The following CEP126 variants were observed in gnomAD, a reference collection of about 807,000 sequenced individuals.
The protein encoded by CEP126 is centrosomal protein of 126 kDa.
A neutral mutation model predicts 107.8 loss-of-function variants in CEP126; 74 were observed. The ratio of observed to expected loss-of-function variants is 0.69; its 90% CI spans 0.57 to 0.83. The LOEUF (loss-of-function observed/expected upper bound fraction) is 0.83, where lower values mean the gene tolerates loss of function less well. CEP126 is among the 40% of genes least tolerant of loss of function. The probability of loss-of-function intolerance (pLI) is 0.00; values close to 1 mark genes in which losing one functional copy is unlikely to be tolerated. For synonymous variants in CEP126, 449 were observed against 446.0 expected (o/e 1.01, Z -0.08); for missense variants, 1,237 against 1,281.9 (o/e 0.96, Z 0.53).
At chr11:101,945,386 A>G (rs1481242578) in intron 3 of CEP126, among the ~76,000 whole-genome samples, 1 of 152,202 alleles carries the variant, frequency 6.6e-6, no homozygotes, top group Non-Finnish European at 1.5e-5. Flanking sequence ...AGCTAGAAAA[A>G]AAAAGAGGTA....
intron 1 of CEP126, among the ~76,000 whole-genome samples, chr11:101,917,133 A>C (rs1404760660): frequency 6.6e-6 from 1 of 151,668 alleles, no homozygotes; most frequent in Non-Finnish European, 1.5e-5. Flanking sequence ...TGTTTAGATA[A>C]TATATATTTA....
At chr11:101,993,717 C>T (rs1361070823) in intron 10 of CEP126, among the ~76,000 whole-genome samples, 2 of 152,086 alleles carry the variant, frequency 1.3e-5, no homozygotes, top group Non-Finnish European at 2.9e-5. Flanking sequence ...CCAGTATCTG[C>T]TATTTTTTGA....
chr11:101,915,988 T>C (rs1405224290), intron 1 of CEP126: 4 of 152,262 alleles, frequency 2.6e-5, no homozygotes, highest in Non-Finnish European at 4.4e-5. Flanking sequence ...GGATTAACTC[T>C]GACTTTTCTC....
At chr11:101,958,808 A>C (rs867456379) in intron 5 of CEP126, among the ~76,000 whole-genome samples, 1 of 152,188 alleles carries the variant, frequency 6.6e-6, no homozygotes, top group South Asian at 2.1e-4. Context: ...TGAGATTTTT[A>C]ATAAACCAAT....
At chr11:101,986,749 T>C in intron 8 of CEP126, 83 bp from the exon 9 acceptor site, 1 of 918,498 alleles carries the variant, frequency 1.1e-6, no homozygotes, top group South Asian at 1.5e-5. Flanking sequence ...CAGTTAAGCA[T>C]GTATAAGTAT....
chr11:101,965,156 A>G (rs1471291752), intron 6 of CEP126, among the ~76,000 whole-genome samples: 1 of 152,094 alleles, frequency 6.6e-6, no homozygotes, highest in Non-Finnish European at 1.5e-5. Context: ...CTTTCCTTCT[A>G]TGAAGGAATA....
At chr11:101,991,530 C>G (rs1478390514) in intron 9 of CEP126, among the ~76,000 whole-genome samples, 1 of 152,030 alleles carries the variant, frequency 6.6e-6, no homozygotes, top group Non-Finnish European at 1.5e-5. Context: ...GAAAGATGAA[C>G]AACATGAGAG....
intron 8 of CEP126, among the ~76,000 whole-genome samples, chr11:101,985,462 T>C (rs1462838464): frequency 6.6e-6 from 1 of 152,068 alleles, no homozygotes; most frequent in African/African-American, 2.4e-5. Context: ...TTTGTATTTT[T>C]AGTTGAGATG....
At chr11:101,991,802 A>G (rs1404897662) in intron 9 of CEP126, among the ~76,000 whole-genome samples, 2 of 152,234 alleles carry the variant, frequency 1.3e-5, no homozygotes, top group Non-Finnish European at 2.9e-5. Flanking sequence ...AAAAATACAT[A>G]ATTTGGGGCA....
At chr11:101,936,471 C>T (rs981412137) in intron 2 of CEP126, among the ~76,000 whole-genome samples, 1 of 151,866 alleles carries the variant, frequency 6.6e-6, no homozygotes, top group African/African-American at 2.4e-5. Context: ...TTTATATATT[C>T]CTGATGATTT....
At position 101,997,728 on chromosome 11, in the gene CEP126, A is replaced by T. The variant is rs1941459996; in HGVS notation, c.*85A>T. ...CGTTTTGTGAAAACCAGCCATAGGA[A>T]AACATGTGAGCAACAACCCCCATGA... On this transcript the variant is annotated 3_prime_UTR_variant, in exon 11 of 11. Transcript: ENST00000263468. 1 of 1,588,756 alleles carries T rather than the reference A, an allele frequency of 6.3e-7. No homozygotes were observed. Among genetic ancestry groups the T allele is most frequent in the Non-Finnish European group, 8.6e-7 (1 of 1,164,126 alleles).
Position 101,992,785 on chromosome 11 carries a change from AGAAT to A in CEP126, c.3253_3256del (p.Glu1085ProfsTer14). 6.7e-7 allele frequency: 1 copy of A among 1,488,604 alleles called. No homozygotes were observed. Among genetic ancestry groups the A allele is most frequent in the South Asian group, 1.3e-5 (1 of 77,796 alleles). 92.2% of individuals were successfully genotyped at this position (1,488,604 alleles called of 1,614,324 possible). The stretch of plus-strand genomic sequence containing the variant: ...GTGATATAATTATTTCAGATATACA[AGAAT>A]CCATTTGCAAAAACCCATCCATCAA... On this transcript the variant is annotated frameshift_variant, in exon 10 of 11. Transcript: ENST00000263468. LOFTEE classifies it high-confidence loss of function.
chr11:101,978,219 A>G (rs934383706), intron 6 of CEP126, 128 bp from the exon 7 acceptor site: 2 of 680,484 alleles, frequency 2.9e-6, no homozygotes, highest in African/African-American at 3.6e-5. Flanking sequence ...TCAATAAAGC[A>G]TGCTAACTGA....
At chr11:101,970,018 C>A (rs1267068005) in intron 6 of CEP126, among the ~76,000 whole-genome samples, 1 of 152,190 alleles carries the variant, frequency 6.6e-6, no homozygotes, top group Non-Finnish European at 1.5e-5. Context: ...ACAGCAATTT[C>A]TTACACAATA....
intron 8 of CEP126, among the ~76,000 whole-genome samples, chr11:101,982,811 T>C (rs1941272475): frequency 6.6e-6 from 1 of 152,136 alleles, no homozygotes; most frequent in Admixed American, 6.5e-5. Flanking sequence ...TGCTCCAAAA[T>C]CCAAAATTTT....
chr11:101,922,528 C>T (rs1416982752), intron 1 of CEP126, 113 bp from the exon 2 acceptor site: 1 of 849,612 alleles, frequency 1.2e-6, no homozygotes, highest in East Asian at 2.6e-5. Flanking sequence ...AATTATTCCA[C>T]AAAAACTATC....
chr11:101,989,311 G>C (rs1000133198), intron 9 of CEP126, among the ~76,000 whole-genome samples: 7 of 151,980 alleles, frequency 4.6e-5, no homozygotes, highest in Admixed American at 3.9e-4. Flanking sequence ...TTGACATTTT[G>C]AGCTGGATAA....
At chr11:101,990,931 G>A (rs953097666) in intron 9 of CEP126, among the ~76,000 whole-genome samples, 5 of 152,148 alleles carry the variant, frequency 3.3e-5, no homozygotes, top group African/African-American at 1.2e-4. Flanking sequence ...AACCCACTCA[G>A]GGAGGCTGAG....
Position 101,961,767 on chromosome 11 carries a change from A to T in CEP126, c.732A>T (p.Ile244=), listed in dbSNP as rs145875462. The T allele has an allele frequency of 5.2e-5, 81 of 1,549,318 alleles. 1 individual carries two copies. In the Admixed American group the frequency reaches 1.7e-3, roughly 32 times the overall value. The change falls in exon 6 of 11, where the codon ATA becomes ATT. Residue 244 remains isoleucine, a synonymous_variant. Transcript: ENST00000263468. ...LQKFCDEVNQ[I]TNSETLSSID... ...AATTTTGTGATGAAGTTAATCAGAT[A>T]ACCAATTCTGAAACCCTCTCAAGTA...
Sources: gnomAD v4.1 joint callset for allele counts (sites outside exome capture counted in the v4.1 genomes callset) on GRCh38, gnomAD v4.1.1 for gene constraint, MANE v1.5 for transcripts, NCBI Gene and HGNC (gene_info 2026-07-23, HGNC 2026-07-21) for gene names.